The following THSD7B variants were observed in gnomAD, a reference collection of about 807,000 sequenced individuals.
The protein encoded by THSD7B is thrombospondin type-1 domain-containing protein 7B.
Under a neutral mutation model 213.6 loss-of-function variants are expected in THSD7B, and 138 were observed. That is an observed-to-expected ratio of 0.65 (90% CI 0.56 to 0.74). The LOEUF is 0.74. Ranked by LOEUF, THSD7B falls within the 30% of genes least tolerant of loss-of-function variation. The pLI is 0.00. For synonymous variants in THSD7B, 742 were observed against 687.0 expected (o/e 1.08, Z -1.25); for missense variants, 1,931 against 1,991.5 (o/e 0.97, Z 0.58).
intron 2 of THSD7B, among the ~76,000 whole-genome samples, chr2:136,922,164 C>T (rs1684447489): frequency 6.6e-6 from 1 of 152,222 alleles, no homozygotes; most frequent in African/African-American, 2.4e-5. Context: ...TCAGCTTTAA[C>T]TGAATTCCCA....
In THSD7B at chr2:137,450,115, A is replaced by G. The variant is rs546859057; in HGVS notation, c.2960-730A>G. Among the ~76,000 whole-genome samples the G allele has an allele frequency of 6.5e-4, 98 of 150,738 alleles. 1 individual carries two copies. The highest frequency in any genetic ancestry group is 2.3e-3 in the African/African-American group (95 of 40,954). Reference sequence around the variant, plus strand: ...AAATTAGAGTGGTTCAGTAGATGGTATAGAATTTAGTGGAGAGATCTACAT... The same window carrying G: ...AAATTAGAGTGGTTCAGTAGATGGTGTAGAATTTAGTGGAGAGATCTACAT... On this transcript the variant is annotated intron_variant, in intron 14 of 27. Coordinates refer to ENST00000409968, the MANE Select transcript of THSD7B (RefSeq NM_001316349.2).
intron 2 of THSD7B, among the ~76,000 whole-genome samples, chr2:136,913,050 G>C (rs1238355850): frequency 6.6e-6 from 1 of 152,190 alleles, no homozygotes; most frequent in Non-Finnish European, 1.5e-5. Flanking sequence ...GAGACTTGTT[G>C]AATGGCTTTG....
At chr2:137,158,399 C>G (rs551136474) in intron 5 of THSD7B, among the ~76,000 whole-genome samples, 41 of 152,276 alleles carry the variant, frequency 2.7e-4, no homozygotes, top group African/African-American at 9.4e-4. Flanking sequence ...TTTACATTCC[C>G]CTAATACCTG....
rs1685165409 is a variant in THSD7B at position 137,357,702 on chromosome 2, A to G, written c.2501-47911A>G. Among the ~76,000 whole-genome samples the G allele has an allele frequency of 2.0e-5, 3 of 152,208 alleles. No individual in the cohort carries two copies. The South Asian group carries it at 6.2e-4, about 31-fold the overall frequency. Reference sequence around the variant, plus strand: ...TGTCTCTCTCTTTTGAGGACAATGCATGACCAGTTCTCCTACCCACCACTC... The same window carrying G: ...TGTCTCTCTCTTTTGAGGACAATGCGTGACCAGTTCTCCTACCCACCACTC... On this transcript the variant is annotated intron_variant, in intron 12 of 27. Transcript: ENST00000409968.
At chr2:137,410,160 TG>T (rs1686619757) in intron 13 of THSD7B, among the ~76,000 whole-genome samples, 1 of 152,212 alleles carries the variant, frequency 6.6e-6, no homozygotes. Flanking sequence ...GTGGAAGCTG[TG>T]CTTTTCAAAC....
chr2:136,884,325 T>C (rs910845076), intron 2 of THSD7B, among the ~76,000 whole-genome samples: 1 of 152,142 alleles, frequency 6.6e-6, no homozygotes, highest in Non-Finnish European at 1.5e-5. Flanking sequence ...CTTCTGGGTA[T>C]GTAGGGGCCA....
intron 10 of THSD7B, among the ~76,000 whole-genome samples, chr2:137,268,914 T>C (rs957991406): frequency 4.6e-5 from 7 of 152,218 alleles, no homozygotes; most frequent in Non-Finnish European, 5.9e-5. Flanking sequence ...TTAAGTCTGT[T>C]GTGTGCAAAG....
At chr2:137,346,660 G>A (rs974720564) in intron 12 of THSD7B, among the ~76,000 whole-genome samples, 69 of 151,676 alleles carry the variant, frequency 4.5e-4, no homozygotes, top group African/African-American at 1.6e-3. Flanking sequence ...TTTTGTATGT[G>A]TAATTGTTTT....
At chr2:137,657,016 T>C (rs758835892) in intron 23 of THSD7B, 47 bp downstream of exon 23, 1 of 1,613,426 alleles carries the variant, frequency 6.2e-7, no homozygotes, top group South Asian at 1.1e-5. Context: ...GATCAATGCT[T>C]ATTCTAAGTG....
chr2:137,045,746 G>A (rs972300606), intron 2 of THSD7B, among the ~76,000 whole-genome samples: 1 of 152,160 alleles, frequency 6.6e-6, no homozygotes, highest in African/African-American at 2.4e-5. Flanking sequence ...GGGTTTTTCT[G>A]TAGTCTTGGG....
At chr2:137,349,789 G>A (rs1012664874) in intron 12 of THSD7B, among the ~76,000 whole-genome samples, 6 of 151,510 alleles carry the variant, frequency 4.0e-5, no homozygotes, top group South Asian at 4.1e-4. Flanking sequence ...TGATCAGTCC[G>A]TGACAATGAT....
intron 20 of THSD7B, among the ~76,000 whole-genome samples, chr2:137,637,537 G>T (rs1243595156): frequency 6.6e-5 from 10 of 152,126 alleles, no homozygotes; most frequent in African/African-American, 2.4e-4. Flanking sequence ...AAATATTCTT[G>T]GAAGTCATAG....
chr2:136,991,039 A>G (rs1685772023), intron 2 of THSD7B: 1 of 961,290 alleles, frequency 1.0e-6, no homozygotes. Flanking sequence ...AGAAAGAAAG[A>G]TGGTTATGTG....
intron 1 of THSD7B, among the ~76,000 whole-genome samples, chr2:136,838,366 C>A (rs1288952418): frequency 2.6e-5 from 4 of 151,982 alleles, no homozygotes; most frequent in Admixed American, 6.6e-5. Context: ...GGGCAGAGTT[C>A]CCCTTTCATC....
intron 17 of THSD7B, among the ~76,000 whole-genome samples, chr2:137,598,914 G>C (rs1455442672): frequency 6.8e-6 from 1 of 146,444 alleles, no homozygotes; most frequent in Non-Finnish European, 1.5e-5. Flanking sequence ...TTAAGTTTTA[G>C]GGTACATGTG....
chr2:136,909,849 G>A (rs746789895), intron 2 of THSD7B, among the ~76,000 whole-genome samples: 1 of 152,074 alleles, frequency 6.6e-6, no homozygotes, highest in African/African-American at 2.4e-5. Flanking sequence ...TTCTAGTTTT[G>A]CTATTGTTAC....
At chr2:137,276,095 G>C in intron 12 of THSD7B, 69 bp downstream of exon 12, 2 of 1,094,276 alleles carry the variant, frequency 1.8e-6, no homozygotes, top group South Asian at 1.5e-5. Flanking sequence ...CATATGTGTT[G>C]CTTACTTTTA....
At chr2:137,227,764 A>G (rs1681542898) in intron 7 of THSD7B, among the ~76,000 whole-genome samples, 1 of 152,188 alleles carries the variant, frequency 6.6e-6, no homozygotes, top group African/African-American at 2.4e-5. Context: ...AAACCAATCT[A>G]TGAAACTGTT....
intron 17 of THSD7B, among the ~76,000 whole-genome samples, chr2:137,581,047 A>T (rs535061804): frequency 6.6e-6 from 1 of 152,178 alleles, no homozygotes; most frequent in East Asian, 1.9e-4. Context: ...CAGGTGATAT[A>T]ATATGTCTGA....
Sources: gnomAD v4.1 joint callset for allele counts (sites outside exome capture counted in the v4.1 genomes callset) on GRCh38, gnomAD v4.1.1 for gene constraint, MANE v1.5 for transcripts, NCBI Gene and HGNC (gene_info 2026-07-23, HGNC 2026-07-21) for gene names.